Variants in ZNF540 observed in about 807,000 individuals in gnomAD.
The protein encoded by ZNF540 is zinc finger protein 540, also known as CTD-3064H18.6.
A neutral mutation model predicts 11.8 loss-of-function variants in ZNF540; 3 were observed. That is an observed-to-expected ratio of 0.25 (90% CI 0.12 to 0.65). The LOEUF (loss-of-function observed/expected upper bound fraction) is 0.65, where lower values mean the gene tolerates loss of function less well. ZNF540 is among the 30% of genes least tolerant of loss of function. ZNF540 has a pLI of 0.83. For missense variants in ZNF540, 709 were observed against 793.1 expected, an observed-to-expected ratio of 0.89 and a Z score of 1.27; for synonymous variants, 247 against 259.0, an observed-to-expected ratio of 0.95 and a Z score of 0.45.
chr19:37,611,187 A>C, intron 4 of ZNF540: 1 of 117,214 alleles, frequency 8.5e-6, no homozygotes, highest in Non-Finnish European at 1.7e-5. Context: ...ATGCTCGGCC[A>C]ATTTTGTATT....
intron 1 of ZNF540, chr19:37,565,714 G>T: frequency 6.2e-7 from 1 of 1,613,758 alleles, no homozygotes; most frequent in Non-Finnish European, 8.5e-7. Context: ...GATGTTCAGT[G>T]AGCTGTGAAC....
Position 37,611,562 on chromosome 19 carries a change from T to A in ZNF540, c.282T>A (p.Ile94=). ...AGAAATTATCTTCAGAAAAGGACATTCATGAAATCAGTTTATCCAAAGAGA... is the reference window on the plus strand; with the variant it reads ...AGAAATTATCTTCAGAAAAGGACATACATGAAATCAGTTTATCCAAAGAGA... ...KTKKLSSEKD[I]HEISLSKESI... is the part of the protein sequence containing the mutation. The change falls in exon 5 of 5, where the codon ATT becomes ATA. Residue 94 remains isoleucine, a synonymous_variant. Coordinates refer to ENST00000316433, the MANE Select transcript of ZNF540 (RefSeq NM_001172225.3). The A allele has an allele frequency of 6.2e-7, 1 of 1,608,834 alleles. No individual in the cohort carries two copies. Among genetic ancestry groups the A allele is most frequent in the South Asian group, 1.1e-5 (1 of 89,422 alleles).
At chr19:37,586,237 C>G (rs1318432613) in intron 1 of ZNF540, 1 of 156,326 alleles carries the variant, frequency 6.4e-6, no homozygotes, top group Non-Finnish European at 1.4e-5. Flanking sequence ...AAAATCTTGC[C>G]ACACACTGAG....
At chr19:37,583,250 C>T (rs1306924168) in intron 1 of ZNF540, among the ~76,000 whole-genome samples, 1 of 152,156 alleles carries the variant, frequency 6.6e-6, no homozygotes, top group African/African-American at 2.4e-5. Flanking sequence ...GCTCTCAGTA[C>T]GTATGTGCTG....
At chr19:37,565,118 T>A in intron 1 of ZNF540, 1 of 1,613,408 alleles carries the variant, frequency 6.2e-7, no homozygotes, top group South Asian at 1.1e-5. Context: ...AATTCTCTGA[T>A]GTTCACTAAG....
chr19:37,584,760 A>C (rs1326851767), intron 1 of ZNF540, among the ~76,000 whole-genome samples: 1 of 152,074 alleles, frequency 6.6e-6, no homozygotes, highest in Non-Finnish European at 1.5e-5. Context: ...CAGGAGATCG[A>C]GACCATCCTG....
Position 37,581,395 on chromosome 19 carries a change from C to T in ZNF540, c.-72-16981C>T, listed in dbSNP as rs1031866669. On this transcript the variant is annotated intron_variant, in intron 1 of 4. Coordinates refer to the ZNF540 transcript ENST00000592533. ...AGCAACCGTCCTTTTTGACCACCAC[C>T]ACTGAAGTTACCAGATCATTTACCT... 7.9e-5 allele frequency among the ~76,000 whole-genome samples: 12 copies of T among 152,198 alleles called. No individual in the cohort carries two copies. The South Asian group carries it at 8.3e-4, about 11-fold the overall frequency.
At chr19:37,599,838 A>G in intron 3 of ZNF540, 86 bp downstream of exon 3, 1 of 1,398,362 alleles carries the variant, frequency 7.2e-7, no homozygotes, top group African/African-American at 1.5e-5. Flanking sequence ...AATTATTAAG[A>G]AACTAGCTGA....
intron 1 of ZNF540, among the ~76,000 whole-genome samples, chr19:37,580,077 G>C (rs2043396895): frequency 6.6e-6 from 1 of 152,182 alleles, no homozygotes; most frequent in Non-Finnish European, 1.5e-5. Context: ...ATTGATACCT[G>C]AATGTATTTT....
At chr19:37,575,758 A>T (rs2043221166) in intron 1 of ZNF540, 1 of 152,192 alleles carries the variant, frequency 6.6e-6, no homozygotes, top group Admixed American at 6.5e-5. Context: ...AATTTAGGGA[A>T]TGTTGTGATC....
rs190340822 is a variant in ZNF540, at chr19:37,613,499, T to G, written c.*236T>G. On this transcript the variant is annotated 3_prime_UTR_variant, in exon 5 of 5. Coordinates refer to ENST00000316433, the MANE Select transcript of ZNF540 (RefSeq NM_001172225.3). ...ACAGCATATACTTATCATCATTGCC[T>G]TTCCACTACTCTACTATCTGTGTGA... The G allele has an allele frequency of 5.4e-4, 224 of 411,236 alleles. 1 individual carries two copies. Among genetic ancestry groups the G allele is most frequent in the Middle Eastern group, 1.9e-3 (3 of 1,572 alleles). The allele number at this position is 411,236 out of a possible 1,614,324, so 25.5% of individuals were successfully genotyped here.
chr19:37,599,395 C>A (rs548579785), intron 2 of ZNF540, among the ~76,000 whole-genome samples: 19 of 152,030 alleles, frequency 1.2e-4, no homozygotes, highest in Non-Finnish European at 2.2e-4. Context: ...GTTAAAGAAC[C>A]CCATAATATA....
rs1435376847 is a variant in ZNF540 at position 37,612,581 on chromosome 19, C to T, written c.1301C>T (p.Thr434Ile). 1.2e-6 allele frequency: 2 copies of T among 1,613,968 alleles called. No homozygotes were observed. The highest frequency in any genetic ancestry group is 1.7e-5 in the Admixed American group (1 of 59,990). ...CTCAGAGTACATTCTAGAATTCATA[C>T]TGGAGAGAAACCATATGAATGTAAG... ...GDLRVHSRIH[T>I]GEKPYECKEC... The change falls in exon 5 of 5, where the codon ACT (threonine) becomes ATT (isoleucine). Residue 434 changes from threonine to isoleucine, a missense_variant. Thr to Ile is a moderately conservative substitution (Grantham distance 89, BLOSUM62 -1). Coordinates refer to ENST00000316433, the MANE Select transcript of ZNF540 (RefSeq NM_001172225.3).
Position 37,613,104 on chromosome 19 carries a change from G to A in ZNF540, c.1824G>A (p.Glu608=). Residue 608 remains glutamate (E), a synonymous_variant, in exon 5 of 5, where the codon GAG becomes GAA. Transcript: ENST00000316433. ...TTCATACTGGTGAGAAACCCTATGAGTGTAAACAATGTGGGAAGGCCTTTA... is the reference window on the plus strand; with the variant it reads ...TTCATACTGGTGAGAAACCCTATGAATGTAAACAATGTGGGAAGGCCTTTA... ...QRIHTGEKPY[E]CKQCGKAFRL... is the part of the protein sequence containing the mutation. 6.2e-7 allele frequency: 1 copy of A among 1,613,368 alleles called. No homozygotes were observed. The highest frequency in any genetic ancestry group is 8.5e-7 in the Non-Finnish European group (1 of 1,179,788).
At chr19:37,589,728 T>C (rs2043806822) in intron 1 of ZNF540, among the ~76,000 whole-genome samples, 1 of 151,500 alleles carries the variant, frequency 6.6e-6, no homozygotes, top group South Asian at 2.1e-4. Flanking sequence ...TAGCCAGGCG[T>C]GGTGGCGGGC....
At position 37,564,767 on chromosome 19, in the gene ZNF540, C is replaced by G. The variant is rs138967947; in HGVS notation, c.-73+13102C>G. ...TTCCTTACATTCATAGGGTTTCTCTCCAGTATGAGTTCTCAGATGTTCAGT... is the reference window on the plus strand; with the variant it reads ...TTCCTTACATTCATAGGGTTTCTCTGCAGTATGAGTTCTCAGATGTTCAGT... On this transcript the variant is annotated intron_variant, in intron 1 of 4. Coordinates refer to the ZNF540 transcript ENST00000592533. 38 of 1,614,000 alleles carry G rather than the reference C, an allele frequency of 2.4e-5. No homozygotes were observed. In the African/African-American group the frequency reaches 3.6e-4, roughly 15 times the overall value.
intron 1 of ZNF540, among the ~76,000 whole-genome samples, chr19:37,558,571 C>T (rs1168929567): frequency 1.3e-5 from 2 of 152,118 alleles, no homozygotes; most frequent in Non-Finnish European, 2.9e-5. Flanking sequence ...TCATCCAAAG[C>T]TCTCCCTCCA....
chr19:37,561,768 C>T (rs1179499673), intron 1 of ZNF540, among the ~76,000 whole-genome samples: 2 of 152,156 alleles, frequency 1.3e-5, no homozygotes, highest in Non-Finnish European at 2.9e-5. Flanking sequence ...AGAAGGGCAC[C>T]TAACAGTCTA....
In ZNF540 at chr19:37,612,152, G is replaced by A. The variant is rs993222546; in HGVS notation, c.872G>A (p.Arg291Lys). The A allele has an allele frequency of 5.0e-6, 8 of 1,611,618 alleles. No individual in the cohort carries two copies. In the Admixed American group the frequency reaches 1.3e-4, roughly 27 times the overall value. The part of the protein sequence containing the change: ...FSRLELTQHK[R>K]IHTGKKSYEC... ...AGATTAGAACTTACTCAACATAAAA[G>A]AATTCATACTGGTAAGAAATCTTAT... Residue 291 changes from arginine to lysine, a missense_variant, in exon 5 of 5, where the codon AGA becomes AAA. Coordinates refer to ENST00000316433, the MANE Select transcript of ZNF540 (RefSeq NM_001172225.3).
Sources: gnomAD v4.1 joint callset for allele counts (sites outside exome capture counted in the v4.1 genomes callset) on GRCh38, gnomAD v4.1.1 for gene constraint, MANE v1.5 for transcripts, NCBI Gene and HGNC (gene_info 2026-07-23, HGNC 2026-07-21) for gene names.